RALYL: variants seen among roughly 807,000 people sequenced by gnomAD.
The protein encoded by RALYL is RALY RNA binding protein like, also known as RNA-binding Raly-like protein.
A neutral mutation model predicts 35.1 loss-of-function variants in RALYL; 29 were observed. The ratio of observed to expected loss-of-function variants is 0.83; its 90% CI spans 0.61 to 1.13. RALYL has a LOEUF of 1.13. Ranked by LOEUF, RALYL falls within the 50% of genes most tolerant of loss-of-function variation. The probability of loss-of-function intolerance (pLI) is 0.00; values close to 1 mark genes in which losing one functional copy is unlikely to be tolerated. For missense variants in RALYL, 359 were observed against 360.4 expected, an observed-to-expected ratio of 1.00 and a Z score of 0.03; for synonymous variants, 120 against 127.6, an observed-to-expected ratio of 0.94 and a Z score of 0.40.
intron 2 of RALYL, among the ~76,000 whole-genome samples, chr8:84,542,524 G>T (rs2060089847): frequency 6.6e-6 from 1 of 151,922 alleles, no homozygotes; most frequent in Non-Finnish European, 1.5e-5. Context: ...ATGGGGGGCA[G>T]TTACCCTCAT....
chr8:84,216,566 A>G (rs116012096), intron 1 of RALYL, among the ~76,000 whole-genome samples: 1 of 152,128 alleles, frequency 6.6e-6, no homozygotes, highest in Non-Finnish European at 1.5e-5. Context: ...GTGTGGCAAG[A>G]ATAGCTAAAA....
chr8:84,786,424 A>G (rs1011787479), intron 3 of RALYL, among the ~76,000 whole-genome samples: 1 of 152,104 alleles, frequency 6.6e-6, no homozygotes, highest in Non-Finnish European at 1.5e-5. Context: ...ATGATGTTTG[A>G]ACTAATTTAC....
At chr8:84,731,313 A>G (rs1273887940) in intron 2 of RALYL, among the ~76,000 whole-genome samples, 3 of 152,132 alleles carry the variant, frequency 2.0e-5, no homozygotes, top group African/African-American at 7.2e-5. Flanking sequence ...TGAGATCAGC[A>G]GGGATGGTTA....
intron 1 of RALYL, among the ~76,000 whole-genome samples, chr8:84,417,763 AT>A (rs1216345031): frequency 1.3e-5 from 2 of 152,032 alleles, no homozygotes; most frequent in African/African-American, 4.8e-5. Flanking sequence ...TCATATTTAT[AT>A]TTTTCCCCTC....
At chr8:84,683,726 A>C (rs1024111441) in intron 2 of RALYL, among the ~76,000 whole-genome samples, 1 of 151,970 alleles carries the variant, frequency 6.6e-6, no homozygotes, top group Non-Finnish European at 1.5e-5. Context: ...TCACACTGTC[A>C]CCCAGGCTGG....
At chr8:84,408,579 GTGTCCATGGACGCTCTCTA>G (rs2043787885) in intron 1 of RALYL, among the ~76,000 whole-genome samples, 1 of 152,138 alleles carries the variant, frequency 6.6e-6, no homozygotes, top group African/African-American at 2.4e-5. Flanking sequence ...GGATGAATAA[GTGTCCATGGACGCTCTCTA>G]TGTAGTCATT....
At chr8:84,486,279 A>G (rs1011024732) in intron 1 of RALYL, among the ~76,000 whole-genome samples, 20 of 127,138 alleles carry the variant, frequency 1.6e-4, no homozygotes, top group African/African-American at 5.0e-4. Context: ...TCATGATTAT[A>G]TATACATATA....
rs571676776 is a variant in RALYL at position 84,856,891 on chromosome 8, G to A, written c.414-5405G>A. 9.3e-5 allele frequency among the ~76,000 whole-genome samples: 14 copies of A among 151,290 alleles called. No homozygotes were observed. In the East Asian group the frequency reaches 2.3e-3, roughly 25 times the overall value. Reference sequence around the variant, plus strand: ...AAAATACAAAAAATTAGCCGGGCGCGGTGGCAGGCGCCTGTAGTCCCAGCT... The same window carrying A: ...AAAATACAAAAAATTAGCCGGGCGCAGTGGCAGGCGCCTGTAGTCCCAGCT... On this transcript the variant is annotated intron_variant, in intron 5 of 8. Coordinates refer to ENST00000521268, the MANE Select transcript of RALYL (RefSeq NM_173848.7).
intron 1 of RALYL, among the ~76,000 whole-genome samples, chr8:84,511,147 C>T (rs1363803635): frequency 6.6e-6 from 1 of 152,106 alleles, no homozygotes; most frequent in African/African-American, 2.4e-5. Context: ...ACAACTTATT[C>T]TGCTTTCAGG....
intron 1 of RALYL, among the ~76,000 whole-genome samples, chr8:84,426,370 A>G (rs1003613166): frequency 6.6e-6 from 1 of 150,902 alleles, no homozygotes; most frequent in African/African-American, 2.4e-5. Context: ...GTATCCACTG[A>G]TCTACATCTC....
At chr8:84,521,560 G>C (rs938266985) in intron 1 of RALYL, among the ~76,000 whole-genome samples, 5 of 152,148 alleles carry the variant, frequency 3.3e-5, no homozygotes, top group African/African-American at 1.2e-4. Context: ...AGAACCCTCT[G>C]CCAAATTACA....
At chr8:84,339,530 C>G (rs748997609) in intron 1 of RALYL, among the ~76,000 whole-genome samples, 9 of 151,764 alleles carry the variant, frequency 5.9e-5, no homozygotes, top group Non-Finnish European at 1.2e-4. Flanking sequence ...CCCACTGATT[C>G]TACATTATGG....
chr8:84,600,670 G>A (rs1275828267), intron 2 of RALYL, among the ~76,000 whole-genome samples: 2 of 152,094 alleles, frequency 1.3e-5, no homozygotes, highest in African/African-American at 4.8e-5. Flanking sequence ...GCTATGCCAA[G>A]CTGATCTGGA....
intron 2 of RALYL, among the ~76,000 whole-genome samples, chr8:84,754,363 G>T (rs1323160462): frequency 6.6e-6 from 1 of 152,076 alleles, no homozygotes; most frequent in Non-Finnish European, 1.5e-5. Context: ...GCTGGTTGTA[G>T]GTGGGCCCAG....
intron 1 of RALYL, among the ~76,000 whole-genome samples, chr8:84,400,323 A>T (rs79657940): frequency 0.012 from 1,837 of 152,286 alleles, 21 homozygotes; most frequent in Non-Finnish European, 0.02. Flanking sequence ...ACTTGAGGTC[A>T]GGTGTGGAAT....
intron 1 of RALYL, among the ~76,000 whole-genome samples, chr8:84,250,968 T>C (rs1394854737): frequency 6.6e-6 from 1 of 152,162 alleles, no homozygotes; most frequent in African/African-American, 2.4e-5. Flanking sequence ...TTATTCCTTC[T>C]TGCACAGTTA....
chr8:84,762,810 T>C (rs1269243422), intron 2 of RALYL, among the ~76,000 whole-genome samples: 1 of 152,170 alleles, frequency 6.6e-6, no homozygotes, highest in Non-Finnish European at 1.5e-5. Flanking sequence ...GACATACAAA[T>C]GTTACCAACC....
rs118087563 is a variant in RALYL at position 84,242,177 on chromosome 8, C to T, written c.-24+57753C>T. On this transcript the variant is annotated intron_variant, in intron 1 of 8. Transcript: ENST00000521268. ...TCCATCCATGTCCCTGCAACAGACACGGTCTTATTCCTTTTAATGGCTGCA... is the reference window on the plus strand; with the variant it reads ...TCCATCCATGTCCCTGCAACAGACATGGTCTTATTCCTTTTAATGGCTGCA... Among the ~76,000 whole-genome samples, 15 of 152,278 alleles carry T rather than the reference C, an allele frequency of 9.9e-5. No homozygotes were observed. The East Asian group carries it at 1.2e-3, about 12-fold the overall frequency.
At chr8:84,305,688 T>C (rs1369408036) in intron 1 of RALYL, among the ~76,000 whole-genome samples, 1 of 152,224 alleles carries the variant, frequency 6.6e-6, no homozygotes, top group African/African-American at 2.4e-5. Flanking sequence ...TCATCCCCTA[T>C]CTTCCCCTAC....
Sources: gnomAD v4.1 joint callset for allele counts (sites outside exome capture counted in the v4.1 genomes callset) on GRCh38, gnomAD v4.1.1 for gene constraint, MANE v1.5 for transcripts, NCBI Gene and HGNC (gene_info 2026-07-23, HGNC 2026-07-21) for gene names.